Variants in MBNL2 observed in about 807,000 individuals in gnomAD.
MBNL2 encodes muscleblind-like protein 2.
In MBNL2, 17 loss-of-function variants were observed where a neutral mutation model predicts 41.9. That is an observed-to-expected ratio of 0.41 (90% CI 0.28 to 0.61). The LOEUF (loss-of-function observed/expected upper bound fraction) is 0.61, where lower values mean the gene tolerates loss of function less well. Among genes scored for constraint, MBNL2 ranks in the 20% least tolerant of loss-of-function variants. MBNL2 has a pLI of 0.35. For missense variants in MBNL2, 336 were observed against 505.6 expected (o/e 0.66, Z 3.22); for synonymous variants, 195 against 182.9 (o/e 1.07, Z -0.53).
Position 97,346,087 on chromosome 13 carries a change from G to C in MBNL2, c.541-717G>C, listed in dbSNP as rs1223630472. Among the ~76,000 whole-genome samples the C allele has an allele frequency of 6.6e-6, 1 of 152,078 alleles. No individual in the cohort carries two copies. The highest frequency in any genetic ancestry group is 1.5e-5 in the Non-Finnish European group (1 of 68,006). On this transcript the variant is annotated intron_variant, in intron 4 of 8. Coordinates refer to ENST00000679496, the MANE Select transcript of MBNL2 (RefSeq NM_001382683.1). The surrounding 1 kb of genome is among the most constrained non-coding windows in gnomAD (Gnocchi z 4.2). ...ATCAGTAGATGATAGATGATGGATG[G>C]CTGGATGGATAGATGATAGATGGAT...
the MBNL2 span, among the ~76,000 whole-genome samples, chr13:97,192,328 C>A: frequency 6.6e-6 from 1 of 152,244 alleles, no homozygotes; most frequent in South Asian, 2.1e-4. Flanking sequence ...ATAGATATGA[C>A]CCTGGGCTGG....
chr13:97,339,688 T>G (rs2061264832), intron 3 of MBNL2, among the ~76,000 whole-genome samples: 1 of 152,084 alleles, frequency 6.6e-6, no homozygotes, highest in Non-Finnish European at 1.5e-5. Flanking sequence ...GCCGAGATTC[T>G]ACCTCGGGAG....
chr13:97,271,058 T>C (rs945864442), intron 1 of MBNL2, among the ~76,000 whole-genome samples: 1 of 152,086 alleles, frequency 6.6e-6, no homozygotes, highest in Non-Finnish European at 1.5e-5. Context: ...GAAACATCTT[T>C]GCTGTACAAG....
At chr13:97,222,563 TAA>T (rs1353766540) in intron 1 of MBNL2, 32 bp downstream of exon 1, 3 of 397,768 alleles carry the variant, frequency 7.5e-6, no homozygotes, top group Non-Finnish European at 1.3e-5. Flanking sequence ...TTTGAATGTT[TAA>T]AGAGTTTGCT....
At chr13:97,277,601 T>C (rs913041814) in intron 2 of MBNL2, among the ~76,000 whole-genome samples, 4 of 152,188 alleles carry the variant, frequency 2.6e-5, no homozygotes, top group Non-Finnish European at 5.9e-5. Context: ...TTCAAACTTA[T>C]ATTTAAGTTT....
chr13:97,278,255 A>G (rs1185968406), intron 2 of MBNL2, among the ~76,000 whole-genome samples: 1 of 146,296 alleles, frequency 6.8e-6, no homozygotes, highest in Non-Finnish European at 1.5e-5. Context: ...CTGTCTCAAA[A>G]AAAAAAAAAA....
At chr13:97,218,444 A>ACAAAACAAAAC (rs1555302255), upstream of MBNL2, among the ~76,000 whole-genome samples, 77 of 136,910 alleles carry the variant, frequency 5.6e-4, no homozygotes, top group Admixed American at 1.5e-3. Flanking sequence ...ACAAAACAAA[A>ACAAAACAAAAC]AAAAAAAACT....
the MBNL2 span, among the ~76,000 whole-genome samples, chr13:97,203,917 G>T: frequency 6.6e-6 from 1 of 151,834 alleles, no homozygotes; most frequent in Non-Finnish European, 1.5e-5. Context: ...TGGATGGATG[G>T]ACGGACGGAT....
At chr13:97,261,292 T>G (rs1276001940) in intron 1 of MBNL2, among the ~76,000 whole-genome samples, 1 of 152,006 alleles carries the variant, frequency 6.6e-6, no homozygotes, top group African/African-American at 2.4e-5. Flanking sequence ...ATGTTCACAC[T>G]CACACACATG....
intron 1 of MBNL2, among the ~76,000 whole-genome samples, chr13:97,242,272 G>T (rs376769781): frequency 1.3e-5 from 2 of 152,180 alleles, no homozygotes; most frequent in African/African-American, 4.8e-5. Context: ...GAGCGGGCAC[G>T]TGGCTCAAAT....
chr13:97,214,772 G>A, the MBNL2 span, among the ~76,000 whole-genome samples: 1 of 152,200 alleles, frequency 6.6e-6, no homozygotes, highest in East Asian at 1.9e-4. Context: ...TTTATTATAG[G>A]AGAAAGGGCG....
upstream of MBNL2, among the ~76,000 whole-genome samples, chr13:97,217,103 T>TATA: frequency 6.9e-6 from 1 of 145,754 alleles, no homozygotes; most frequent in African/African-American, 2.6e-5. Flanking sequence ...TATATACATA[T>TATA]CATATACAGT....
the MBNL2 span, among the ~76,000 whole-genome samples, chr13:97,157,361 C>G: frequency 6.7e-6 from 1 of 148,402 alleles, no homozygotes; most frequent in Non-Finnish European, 1.5e-5. Flanking sequence ...TTGACTTCCT[C>G]TTTTCCTAAT....
At chr13:97,340,971 C>T (rs1402056525) in intron 3 of MBNL2, among the ~76,000 whole-genome samples, 3 of 152,156 alleles carry the variant, frequency 2.0e-5, no homozygotes, top group Non-Finnish European at 4.4e-5. Context: ...ACCACACTAA[C>T]CCTAGCTTCA....
chr13:97,253,558 T>C (rs2046973691), intron 1 of MBNL2, among the ~76,000 whole-genome samples: 1 of 152,192 alleles, frequency 6.6e-6, no homozygotes, highest in African/African-American at 2.4e-5. Flanking sequence ...TTTTCATTCA[T>C]TACCAAAGCC....
the MBNL2 span, among the ~76,000 whole-genome samples, chr13:97,211,426 A>G: frequency 5.9e-5 from 9 of 152,322 alleles, no homozygotes; most frequent in Admixed American, 5.2e-4. Context: ...AAAAAGCACA[A>G]TTCTCATTTT....
chr13:97,292,083 C>G (rs1426668389), intron 2 of MBNL2, among the ~76,000 whole-genome samples: 1 of 150,634 alleles, frequency 6.6e-6, no homozygotes, highest in Non-Finnish European at 1.5e-5. Context: ...CGCCTGTAGT[C>G]CCAGCTACTC....
intron 8 of MBNL2, among the ~76,000 whole-genome samples, chr13:97,381,135 C>CA (rs1340600952): frequency 3.5e-4 from 53 of 151,834 alleles, no homozygotes; most frequent in African/African-American, 1.2e-3. Flanking sequence ...CACACACACA[C>CA]ACCACACACA....
chr13:97,242,882 T>C (rs1329272521), intron 1 of MBNL2, among the ~76,000 whole-genome samples: 2 of 152,154 alleles, frequency 1.3e-5, no homozygotes, highest in African/African-American at 2.4e-5. Context: ...CGTTGTCCAA[T>C]GACATCATCC....
Sources: allele counts gnomAD v4.1 joint callset (sites outside exome capture counted in the v4.1 genomes callset), GRCh38; gene constraint gnomAD v4.1.1; non-coding constraint Gnocchi (gnomAD v3.1); transcripts MANE v1.5; gene names NCBI Gene and HGNC (gene_info 2026-07-23, HGNC 2026-07-21).